DNASE1: variants seen among roughly 807,000 people sequenced by gnomAD.
The protein encoded by DNASE1 is deoxyribonuclease-1.
Under a neutral mutation model 33.9 loss-of-function variants are expected in DNASE1, and 40 were observed. That is an observed-to-expected ratio of 1.18 (90% confidence interval 0.92 to 1.54). DNASE1 has a LOEUF of 1.54. Ranked by LOEUF, DNASE1 falls within the 40% of genes most tolerant of loss-of-function variation. DNASE1 has a pLI of 0.00. For synonymous variants in DNASE1, 216 were observed against 160.0 expected (o/e 1.35, Z -2.64); for missense variants, 518 against 372.6 (o/e 1.39, Z -3.21).
chr16:3,636,592 G>C (rs1044055094), intron 1 of DNASE1, among the ~76,000 whole-genome samples: 3 of 151,442 alleles, frequency 2.0e-5, no homozygotes, highest in South Asian at 2.1e-4. Flanking sequence ...GAGGCTGAGC[G>C]GGGAGGATCG....
At position 3,657,916 on chromosome 16, in the gene DNASE1, TCAGTGACCACTATCCAGTGG is replaced by T. The variant is rs763641970; in HGVS notation, c.813_832del (p.Ser272GlyfsTer36). 2.7e-4 allele frequency: 435 copies of T among 1,613,960 alleles called. 1 individual carries two copies. Among genetic ancestry groups the T allele is most frequent in the Non-Finnish European group, 3.5e-4 (418 of 1,180,010 alleles). ...CCCACTTGCCTGCAGGCCCAAGCCA[TCAGTGACCACTATCCAGTGG>T]AGGTGATGCTGAAGTGAGCAGCCCC... On this transcript the variant is annotated frameshift_variant, in exon 9 of 9. Transcript: ENST00000246949. LOFTEE classifies it high-confidence loss of function.
upstream of DNASE1, chr16:3,650,891 G>T (rs1596630038): frequency 6.6e-6 from 1 of 152,206 alleles, no homozygotes; most frequent in Non-Finnish European, 1.5e-5. Flanking sequence ...AACCCAGCCT[G>T]GCAGAGAGAG....
Position 3,657,918 on chromosome 16 carries a change from AGTGACCACTATCCAGTGGAG to A in DNASE1, c.819_838del (p.His274AlafsTer34). 1 of 1,613,186 alleles carries A rather than the reference AGTGACCACTATCCAGTGGAG, an allele frequency of 6.2e-7. No homozygotes were observed. ...CACTTGCCTGCAGGCCCAAGCCATC[AGTGACCACTATCCAGTGGAG>A]GTGATGCTGAAGTGAGCAGCCCCTC... On this transcript the variant is annotated frameshift_variant, in exon 9 of 9. Transcript: ENST00000246949. LOFTEE classifies it high-confidence loss of function.
chr16:3,662,726 G>C (rs111945995), downstream of DNASE1: 3 of 730,624 alleles, frequency 4.1e-6, no homozygotes, highest in African/African-American at 1.7e-5. Context: ...CGAGCAACAC[G>C]TGCCGAGCAG....
intron 1 of DNASE1, among the ~76,000 whole-genome samples, chr16:3,647,743 C>T (rs2042216659): frequency 6.6e-6 from 1 of 152,180 alleles, no homozygotes; most frequent in Non-Finnish European, 1.5e-5. Flanking sequence ...GTAGCTCACA[C>T]CTGTAATCCC....
chr16:3,635,987 G>A (rs2041856784), intron 1 of DNASE1, among the ~76,000 whole-genome samples: 1 of 152,122 alleles, frequency 6.6e-6, no homozygotes, highest in Non-Finnish European at 1.5e-5. Flanking sequence ...ATCAGTTTTG[G>A]AAAATTCTCA....
chr16:3,648,995 G>T (rs1467841765), intron 1 of DNASE1, among the ~76,000 whole-genome samples: 1 of 152,132 alleles, frequency 6.6e-6, no homozygotes, highest in Non-Finnish European at 1.5e-5. Context: ...TTCCCAGTCT[G>T]GGTCGTACCG....
At chr16:3,618,783 C>T (rs2041197735) in intron 1 of DNASE1, among the ~76,000 whole-genome samples, 1 of 152,150 alleles carries the variant, frequency 6.6e-6, no homozygotes, top group African/African-American at 2.4e-5. Flanking sequence ...GTCTAAATGC[C>T]CTTCAGTGCA....
intron 1 of DNASE1, among the ~76,000 whole-genome samples, chr16:3,624,491 T>G (rs2041436141): frequency 6.6e-6 from 1 of 152,174 alleles, no homozygotes; most frequent in Non-Finnish European, 1.5e-5. Context: ...TTGCCGCCCC[T>G]GGCTGAGTTC....
downstream of DNASE1, chr16:3,660,069 T>C (rs1376596844): frequency 6.6e-6 from 1 of 152,202 alleles, no homozygotes; most frequent in Non-Finnish European, 1.5e-5. Context: ...ACATTTCTAG[T>C]CTACGTAGCT....
upstream of DNASE1, chr16:3,650,603 C>CAAAAA (rs201718600): frequency 7.9e-5 from 5 of 63,322 alleles, no homozygotes; most frequent in South Asian, 4.7e-4. Flanking sequence ...TATGGTCATT[C>CAAAAA]AAAAAAAAAA....
chr16:3,623,957 T>A lies in DNASE1; in HGVS notation c.-1359+11951T>A, dbSNP rs115936054. 4.0e-3 allele frequency among the ~76,000 whole-genome samples: 608 copies of A among 152,220 alleles called. 3 individuals are homozygous for A. The highest frequency in any genetic ancestry group is 0.014 in the African/African-American group (562 of 41,540). On this transcript the variant is annotated intron_variant and NMD_transcript_variant, in intron 1 of 11. Transcript: ENST00000570769. Reference sequence around the variant, plus strand: ...AAAGGAAATGCTTATATGCTGTTAATGGGACTGTAAATTACTATAACCTCT... The same window carrying A: ...AAAGGAAATGCTTATATGCTGTTAAAGGGACTGTAAATTACTATAACCTCT...
At chr16:3,628,094 C>T (rs1335970136) in intron 1 of DNASE1, among the ~76,000 whole-genome samples, 1 of 152,020 alleles carries the variant, frequency 6.6e-6, no homozygotes, top group Non-Finnish European at 1.5e-5. Context: ...TTTTTCCTTA[C>T]TTATATCTTC....
chr16:3,647,379 T>C (rs1189563492), intron 1 of DNASE1, among the ~76,000 whole-genome samples: 7 of 148,928 alleles, frequency 4.7e-5, no homozygotes, highest in Non-Finnish European at 1.5e-5. Context: ...GCTCACACAA[T>C]CCTCCTACCT....
At chr16:3,658,958 C>T (rs770648586), downstream of DNASE1, 69 of 1,255,352 alleles carry the variant, frequency 5.5e-5, no homozygotes, top group Non-Finnish European at 7.5e-5. Context: ...TTTAAAGAAG[C>T]ACAGTAAGAC....
chr16:3,664,714 C>T (rs1310700629), exon 10 of DNASE1: 6 of 455,982 alleles, frequency 1.3e-5, no homozygotes, highest in Admixed American at 8.6e-5. Flanking sequence ...GGGAGCTACG[C>T]GCACCACGCC....
intron 1 of DNASE1, among the ~76,000 whole-genome samples, chr16:3,623,485 C>T (rs2041395350): frequency 6.6e-6 from 1 of 152,086 alleles, no homozygotes; most frequent in African/African-American, 2.4e-5. Flanking sequence ...GCAAATGGGA[C>T]TTAATTAAAT....
chr16:3,656,427 G>A (rs1433194301), intron 4 of DNASE1, among the ~76,000 whole-genome samples: 6 of 114,188 alleles, frequency 5.3e-5, no homozygotes, highest in East Asian at 2.7e-4. Context: ...TGGCTCCCCC[G>A]CCCTCCTGTC....
chr16:3,615,029 T>G (rs1156393197), intron 1 of DNASE1, among the ~76,000 whole-genome samples: 2 of 152,216 alleles, frequency 1.3e-5, no homozygotes, highest in Non-Finnish European at 2.9e-5. Context: ...AAGAGAGTTT[T>G]CTTAAACCTG....
Sources: gnomAD v4.1 joint callset for allele counts (sites outside exome capture counted in the v4.1 genomes callset) on GRCh38, gnomAD v4.1.1 for gene constraint, MANE v1.5 for transcripts, NCBI Gene and HGNC (gene_info 2026-07-23, HGNC 2026-07-21) for gene names.